Variants in TTC31 observed in about 807,000 individuals in gnomAD.
TTC31 encodes tetratricopeptide repeat protein 31.
Under a neutral mutation model 60.4 loss-of-function variants are expected in TTC31, and 59 were observed. The observed-to-expected ratio is 0.98, with a 90% CI of 0.79 to 1.21. The LOEUF (loss-of-function observed/expected upper bound fraction) is 1.21. Ranked by LOEUF, TTC31 falls within the 50% of genes most tolerant of loss-of-function variation. The pLI, the probability that TTC31 is intolerant of heterozygous loss-of-function variation, is 0.00. For synonymous variants in TTC31, 225 were observed against 249.6 expected, an observed-to-expected ratio of 0.90 and a Z score of 0.93; for missense variants, 672 against 646.9, an observed-to-expected ratio of 1.04 and a Z score of -0.42.
intron 2 of TTC31, among the ~76,000 whole-genome samples, chr2:74,487,023 A>T (rs982759386): frequency 6.6e-6 from 1 of 152,248 alleles, no homozygotes; most frequent in African/African-American, 2.4e-5. Flanking sequence ...TAAAGTGCAA[A>T]GCCCTAAGAT....
chr2:74,493,859 G>A lies in TTC31; in HGVS notation c.*641G>A, dbSNP rs1674205799. The stretch of plus-strand genomic sequence containing the variant: ...CCTTACCAGCTCCTGCTTAGAGCTG[G>A]TAGGGCCATACATGTCCACACTCCC... On this transcript the variant is annotated 3_prime_UTR_variant, in exon 13 of 13. Coordinates refer to ENST00000233623, the MANE Select transcript of TTC31 (RefSeq NM_022492.6). 6.6e-6 allele frequency: 1 copy of A among 152,344 alleles called. No homozygotes were observed. Among genetic ancestry groups the A allele is most frequent in the African/African-American group, 2.4e-5 (1 of 41,442 alleles). The allele number at this position is 152,344 out of a possible 1,614,324, so 9.4% of individuals were successfully genotyped here.
At position 74,491,516 on chromosome 2, in the gene TTC31, G is replaced by C; in HGVS notation, c.720G>C (p.Leu240=). The C allele has an allele frequency of 6.2e-7, 1 of 1,610,112 alleles. No individual in the cohort carries two copies. ...ATCTATCTAGCACTTTTGTGTCTCTGGCTTTGCGCAAGGTTGGGGATTGGC... is the reference window on the plus strand; with the variant it reads ...ATCTATCTAGCACTTTTGTGTCTCTCGCTTTGCGCAAGGTTGGGGATTGGC... The part of the protein sequence containing the change: ...SLDLSSTFVS[L]ALRKVGDWPL... The change falls in exon 8 of 13, where the codon CTG becomes CTC. Residue 240 remains leucine (L), a synonymous_variant. Transcript: ENST00000233623.
intron 2 of TTC31, chr2:74,483,642 G>T (rs1027615753): frequency 2.9e-6 from 4 of 1,373,562 alleles, no homozygotes; most frequent in East Asian, 3.0e-5. Context: ...GCAGACAAGG[G>T]TCTCTGAGTT....
intron 2 of TTC31, among the ~76,000 whole-genome samples, chr2:74,484,679 G>A (rs1416854913): frequency 2.6e-5 from 4 of 151,938 alleles, no homozygotes; most frequent in African/African-American, 9.7e-5. Flanking sequence ...GCATGGTCTC[G>A]ATCTCTTGAC....
Position 74,483,431 on chromosome 2 carries a change from C to T in TTC31, c.129+21C>T, listed in dbSNP as rs1445541151. Reference sequence around the variant, plus strand: ...AAGAGGTAAAAGCGACCCTCAGTTTCCCCCAGTCCTGCTCATTTTGGTCAC... The same window carrying T: ...AAGAGGTAAAAGCGACCCTCAGTTTTCCCCAGTCCTGCTCATTTTGGTCAC... On this transcript the variant is annotated intron_variant, in intron 2 of 12. Transcript: ENST00000233623. 5.0e-6 allele frequency: 8 copies of T among 1,614,118 alleles called. No homozygotes were observed. The South Asian group carries it at 8.8e-5, about 18-fold the overall frequency.
chr2:74,491,126 A>AGC lies in TTC31; in HGVS notation c.547_548dup, dbSNP rs755716331. On this transcript the variant is annotated splice_acceptor_variant, in intron 5 of 12. Transcript: ENST00000233623. LOFTEE classifies it high-confidence loss of function. ...ACATCATTGTTACCATTACTATTGC[A>AGC]GCGTCAAAAGGAACGGAAGCGACAG... The AGC allele has an allele frequency of 6.2e-7, 1 of 1,614,246 alleles. No homozygotes were observed.
At chr2:74,485,473 T>TG (rs1266086191) in intron 2 of TTC31, among the ~76,000 whole-genome samples, 10 of 148,142 alleles carry the variant, frequency 6.8e-5, no homozygotes, top group African/African-American at 2.0e-4. Context: ...GTATTTCTTT[T>TG]TTTTTTTTTT....
intron 12 of TTC31, 52 bp from the exon 13 acceptor site, chr2:74,492,870 G>C: frequency 2.5e-6 from 4 of 1,582,888 alleles, no homozygotes; most frequent in Non-Finnish European, 3.4e-6. Context: ...TGAGAGGCAT[G>C]GGCTCTCCTG....
In TTC31 at chr2:74,492,434, A is replaced by C. The variant is rs372976368; in HGVS notation, c.1150A>C (p.Met384Leu). ...CCTCTTCCGCCTGGGCAAGGCCTTG[A>C]TGGGACTACAGGTAATAGGTCTGGG... Reference protein sequence around the residue: ...RGLFRLGKALMGLQRFREAAA... With the variant: ...RGLFRLGKALLGLQRFREAAA... The change falls in exon 11 of 13, where the codon ATG becomes CTG. Residue 384 changes from methionine to leucine, a missense_variant. Physicochemically the swap from Met to Leu is conservative, Grantham distance 15 (BLOSUM62 2). Coordinates refer to ENST00000233623, the MANE Select transcript of TTC31 (RefSeq NM_022492.6). The C allele has an allele frequency of 5.9e-6, 9 of 1,522,958 alleles. No individual in the cohort carries two copies. In the Middle Eastern group the frequency reaches 5.4e-4, roughly 91 times the overall value. 94.3% of individuals were successfully genotyped at this position (1,522,958 alleles called of 1,614,324 possible). A position where few individuals can be genotyped will look rare whatever the true frequency, so the allele number is the denominator to read the frequency against.
In TTC31 at chr2:74,483,417, G is replaced by A. The variant is rs1321540425; in HGVS notation, c.129+7G>A. The A allele has an allele frequency of 1.2e-6, 2 of 1,614,172 alleles. No individual in the cohort carries two copies. The highest frequency in any genetic ancestry group is 1.1e-5 in the South Asian group (1 of 91,086). On this transcript the variant is annotated splice_region_variant and intron_variant, in intron 2 of 12. Transcript: ENST00000233623. ...AGAGGATTACGGCGAAGAGGTAAAA[G>A]CGACCCTCAGTTTCCCCCAGTCCTG...
chr2:74,490,360 C>T lies in TTC31; in HGVS notation c.349C>T (p.Pro117Ser). The change falls in exon 4 of 13, where the codon CCC (proline) becomes TCC (serine). Residue 117 changes from proline to serine, a missense_variant. Transcript: ENST00000233623. ...TCTCCGCAAGTCCTTCCTGTATCCT[C>T]CCCAAGAGTCTGAGCCCTGCCCTCA... ...CGLRKSFLYP[P>S]QESEPCPQSP... The T allele has an allele frequency of 1.2e-6, 2 of 1,614,094 alleles. No homozygotes were observed. The highest frequency in any genetic ancestry group is 3.3e-4 in the Middle Eastern group (2 of 6,062).
chr2:74,488,273 C>T (rs577398938), intron 2 of TTC31, among the ~76,000 whole-genome samples: 1 of 152,306 alleles, frequency 6.6e-6, no homozygotes, highest in Non-Finnish European at 1.5e-5. Context: ...CTGAGGGAAG[C>T]CTTGGATCTA....
At position 74,494,517 on chromosome 2, in the gene TTC31, C is replaced by T. The variant is rs1216764657; in HGVS notation, c.*1299C>T. 6.6e-6 allele frequency: 1 copy of T among 152,166 alleles called. No individual in the cohort carries two copies. The highest frequency in any genetic ancestry group is 1.5e-5 in the Non-Finnish European group (1 of 68,040). 9.4% of individuals were successfully genotyped at this position (152,166 alleles called of 1,614,324 possible). ...GTGTGAGAAAATACCTCCCAAGTGC[C>T]TGGTACATAGTGGGTGCTAAATAAA... On this transcript the variant is annotated 3_prime_UTR_variant, in exon 13 of 13. Transcript: ENST00000233623.
intron 2 of TTC31, among the ~76,000 whole-genome samples, chr2:74,487,600 T>C (rs1286570292): frequency 3.9e-5 from 6 of 151,976 alleles, no homozygotes; most frequent in African/African-American, 1.2e-4. Flanking sequence ...AGAAATACAG[T>C]ATATATTTGA....
intron 2 of TTC31, among the ~76,000 whole-genome samples, chr2:74,488,835 C>T (rs754575635): frequency 6.6e-6 from 1 of 152,096 alleles, no homozygotes; most frequent in Admixed American, 6.6e-5. Context: ...GAGGCTGAGG[C>T]GGGTGGATCA....
chr2:74,490,835 C>A, intron 5 of TTC31, 96 bp downstream of exon 5: 1 of 1,283,236 alleles, frequency 7.8e-7, no homozygotes, highest in Non-Finnish European at 1.1e-6. Context: ...CTCAAGATGG[C>A]CTGCAGTGGA....
At chr2:74,484,692 C>A (rs759986481) in intron 2 of TTC31, among the ~76,000 whole-genome samples, 6 of 151,996 alleles carry the variant, frequency 3.9e-5, no homozygotes, top group Non-Finnish European at 8.8e-5. Flanking sequence ...CTCTTGACCT[C>A]GTGATCCGCC....
intron 1 of TTC31, 32 bp from the exon 2 acceptor site, chr2:74,483,290 C>G (rs779142193): frequency 1.6e-5 from 26 of 1,613,542 alleles, no homozygotes; most frequent in Non-Finnish European, 2.1e-5. Flanking sequence ...GTCCCGAGCC[C>G]GCTGACGAGG....
chr2:74,487,863 A>G (rs1471746879), intron 2 of TTC31, among the ~76,000 whole-genome samples: 2 of 151,438 alleles, frequency 1.3e-5, no homozygotes, highest in Non-Finnish European at 2.9e-5. Flanking sequence ...TATCTTTAGT[A>G]TAGATGGGGT....
Sources: gnomAD v4.1 joint callset for allele counts (sites outside exome capture counted in the v4.1 genomes callset) on GRCh38, gnomAD v4.1.1 for gene constraint, MANE v1.5 for transcripts, NCBI Gene and HGNC (gene_info 2026-07-23, HGNC 2026-07-21) for gene names.